The following SYNPR variants were observed in gnomAD, a reference collection of about 807,000 sequenced individuals.
SYNPR encodes the protein synaptoporin.
SYNPR carries 23 observed loss-of-function variants against 32.9 expected under a neutral mutation model. That is an observed-to-expected ratio of 0.70 (90% CI 0.50 to 0.99). SYNPR has a LOEUF of 0.99. SYNPR is among the 50% of genes least tolerant of loss of function. The pLI, the probability that SYNPR is intolerant of heterozygous loss-of-function variation, is 0.00. For synonymous variants in SYNPR, 146 were observed against 135.9 expected, an observed-to-expected ratio of 1.07 and a Z score of -0.52; for missense variants, 318 against 349.3, an observed-to-expected ratio of 0.91 and a Z score of 0.71.
intron 1 of SYNPR, among the ~76,000 whole-genome samples, chr3:63,250,832 G>A (rs2086325295): frequency 6.6e-6 from 1 of 152,120 alleles, no homozygotes; most frequent in East Asian, 1.9e-4. Flanking sequence ...ATGATGTGCT[G>A]AGCATGTGTT....
chr3:63,250,703 C>G (rs966233823), intron 1 of SYNPR, among the ~76,000 whole-genome samples: 1 of 152,144 alleles, frequency 6.6e-6, no homozygotes, highest in African/African-American at 2.4e-5. Context: ...GAAAATGAGT[C>G]TCACAGAGAC....
chr3:63,384,348 A>G (rs2088013818), intron 2 of SYNPR, among the ~76,000 whole-genome samples: 1 of 152,214 alleles, frequency 6.6e-6, no homozygotes, highest in African/African-American at 2.4e-5. Flanking sequence ...TCCTCCACGA[A>G]TATCATTTTT....
intron 2 of SYNPR, among the ~76,000 whole-genome samples, chr3:63,412,916 T>G (rs2088486438): frequency 6.6e-6 from 1 of 152,140 alleles, no homozygotes; most frequent in South Asian, 2.1e-4. Flanking sequence ...GTGGATGGCT[T>G]TAATAAGAGA....
At chr3:63,401,583 C>A (rs2088293757) in intron 2 of SYNPR, among the ~76,000 whole-genome samples, 1 of 152,076 alleles carries the variant, frequency 6.6e-6, no homozygotes, top group African/African-American at 2.4e-5. Flanking sequence ...GAGGTCTGTG[C>A]AGTTTTGAAT....
At chr3:63,238,314 TGAAA>T (rs2086214110) in intron 1 of SYNPR, among the ~76,000 whole-genome samples, 1 of 152,128 alleles carries the variant, frequency 6.6e-6, no homozygotes, top group Admixed American at 6.6e-5. Context: ...TTCATTTTAA[TGAAA>T]GAAAGAAACT....
At chr3:63,465,868 C>T (rs1436170752) in intron 2 of SYNPR, among the ~76,000 whole-genome samples, 2 of 151,978 alleles carry the variant, frequency 1.3e-5, no homozygotes, top group Non-Finnish European at 2.9e-5. Context: ...TTAATTCACA[C>T]ATTGTAATTG....
intron 2 of SYNPR, among the ~76,000 whole-genome samples, chr3:63,259,866 T>G (rs1384911742): frequency 6.6e-6 from 1 of 152,180 alleles, no homozygotes; most frequent in Non-Finnish European, 1.5e-5. Flanking sequence ...GATAGACAAC[T>G]TCAGCAAAGT....
intron 2 of SYNPR, among the ~76,000 whole-genome samples, chr3:63,407,283 A>G (rs545814272): frequency 6.6e-6 from 1 of 152,304 alleles, no homozygotes; most frequent in Non-Finnish European, 1.5e-5. Context: ...CCCTGTTATT[A>G]ACACAGTGCT....
At position 63,572,315 on chromosome 3, in the gene SYNPR, A is replaced by C. The variant is rs138954588; in HGVS notation, c.408+15574A>C. 3.7e-3 allele frequency among the ~76,000 whole-genome samples: 565 copies of C among 150,956 alleles called. 2 individuals are homozygous for C. The highest frequency in any genetic ancestry group is 0.013 in the African/African-American group (531 of 41,048). On this transcript the variant is annotated intron_variant, in intron 4 of 5. Coordinates refer to ENST00000478300, the MANE Select transcript of SYNPR (RefSeq NM_001130003.2). ...CCTCCTCCTTCCTCTTCTTATTCTTATTCTTCTTCTTTTTGTATGCTCTCT... is the reference window on the plus strand; with the variant it reads ...CCTCCTCCTTCCTCTTCTTATTCTTCTTCTTCTTCTTTTTGTATGCTCTCT...
chr3:63,603,579 T>A (rs1330254395), intron 4 of SYNPR, among the ~76,000 whole-genome samples: 1 of 152,190 alleles, frequency 6.6e-6, no homozygotes, highest in South Asian at 2.1e-4. Context: ...ATTGGAAGCA[T>A]TTTCTGCATC....
At chr3:63,340,690 A>T (rs1454216491) in intron 2 of SYNPR, among the ~76,000 whole-genome samples, 2 of 152,128 alleles carry the variant, frequency 1.3e-5, no homozygotes, top group African/African-American at 4.8e-5. Context: ...AAGTGCTGGG[A>T]TTACAGGCGT....
At chr3:63,348,908 A>G (rs1477891114) in intron 2 of SYNPR, among the ~76,000 whole-genome samples, 1 of 152,126 alleles carries the variant, frequency 6.6e-6, no homozygotes, top group Non-Finnish European at 1.5e-5. Flanking sequence ...TGTTTTGGTT[A>G]CTGTAACATT....
intron 5 of SYNPR, among the ~76,000 whole-genome samples, chr3:63,611,551 A>G (rs935625066): frequency 6.6e-6 from 1 of 152,256 alleles, no homozygotes; most frequent in Non-Finnish European, 1.5e-5. Context: ...GCAAAACCCA[A>G]CAGCCAAGAA....
chr3:63,538,433 G>C (rs1469811838), intron 3 of SYNPR, among the ~76,000 whole-genome samples: 1 of 152,026 alleles, frequency 6.6e-6, no homozygotes, highest in African/African-American at 2.4e-5. Context: ...GGTGGAGTCA[G>C]AACTGTTGGT....
At chr3:63,527,781 T>A (rs1702042287) in intron 3 of SYNPR, among the ~76,000 whole-genome samples, 1 of 152,192 alleles carries the variant, frequency 6.6e-6, no homozygotes, top group Non-Finnish European at 1.5e-5. Context: ...GGCCTTATGC[T>A]ATTTTTCAAT....
intron 3 of SYNPR, chr3:63,545,476 C>G (rs1433111104): frequency 3.3e-5 from 5 of 152,104 alleles, no homozygotes; most frequent in Non-Finnish European, 1.5e-5. Flanking sequence ...GCCCTGATCT[C>G]AGAAGCTAAA....
chr3:63,480,768 T>C, intron 2 of SYNPR, 64 bp from the exon 3 acceptor site: 1 of 1,573,790 alleles, frequency 6.4e-7, no homozygotes, highest in Non-Finnish European at 8.7e-7. Context: ...CTCCTTTTGA[T>C]ATATCTCATT....
the SYNPR span, among the ~76,000 whole-genome samples, chr3:63,221,502 A>C: frequency 8.1e-4 from 123 of 152,318 alleles, no homozygotes; most frequent in African/African-American, 2.6e-3. Flanking sequence ...ATAGAGAACA[A>C]GCAGGGAGTT....
intron 2 of SYNPR, among the ~76,000 whole-genome samples, chr3:63,400,323 G>C (rs1045375564): frequency 4.6e-5 from 7 of 152,200 alleles, no homozygotes; most frequent in Non-Finnish European, 8.8e-5. Context: ...AAGTCCAGAA[G>C]CAGCTTAGCT....
Sources: allele counts gnomAD v4.1 joint callset (sites outside exome capture counted in the v4.1 genomes callset), GRCh38; gene constraint gnomAD v4.1.1; transcripts MANE v1.5; gene names NCBI Gene and HGNC (gene_info 2026-07-23, HGNC 2026-07-21).